DOCK7: variants seen among roughly 807,000 people sequenced by gnomAD.
DOCK7 encodes the protein dedicator of cytokinesis protein 7.
Under a neutral mutation model 271.0 loss-of-function variants are expected in DOCK7, and 138 were observed. The observed-to-expected ratio is 0.51, with a 90% CI of 0.44 to 0.59. The LOEUF (loss-of-function observed/expected upper bound fraction) is 0.59, where lower values mean the gene tolerates loss of function less well. Ranked by LOEUF, DOCK7 falls within the 20% of genes least tolerant of loss-of-function variation. DOCK7 has a pLI of 0.00. For missense variants in DOCK7, 2,066 were observed against 2,592.4 expected (o/e 0.80, Z 4.41); for synonymous variants, 823 against 876.1 (o/e 0.94, Z 1.07).
chr1:62,601,529 C>T (rs1229925186), intron 14 of DOCK7, among the ~76,000 whole-genome samples: 1 of 151,568 alleles, frequency 6.6e-6, no homozygotes, highest in Non-Finnish European at 1.5e-5. Context: ...GGACTCCAGA[C>T]TGGTGATAGA....
chr1:62,647,790 A>T lies in DOCK7; in HGVS notation c.733-14T>A. The T allele has an allele frequency of 6.4e-7, 1 of 1,558,610 alleles. No homozygotes were observed. The highest frequency in any genetic ancestry group is 8.8e-7 in the Non-Finnish European group (1 of 1,140,318). On this transcript the variant is annotated splice_polypyrimidine_tract_variant and intron_variant, in intron 6 of 49. Coordinates refer to ENST00000635253, the MANE Select transcript of DOCK7 (RefSeq NM_001367561.1). The stretch of plus-strand genomic sequence containing the variant: ...TATTGGTTCTTCCTACAAATTGAAA[A>T]GCAACACCAAAATGAATATGCTTAT...
At chr1:62,568,242 G>A (rs1646590555) in intron 18 of DOCK7, among the ~76,000 whole-genome samples, 1 of 151,848 alleles carries the variant, frequency 6.6e-6, no homozygotes, top group African/African-American at 2.4e-5. Context: ...CTGGGATGCA[G>A]CTAAAGCAGT....
intron 48 of DOCK7, among the ~76,000 whole-genome samples, chr1:62,470,596 C>T (rs553166908): frequency 6.6e-6 from 1 of 152,090 alleles, no homozygotes; most frequent in Non-Finnish European, 1.5e-5. Context: ...GAGTTCGAGA[C>T]CAGCCTGACC....
chr1:62,665,956 G>C (rs1052274372), intron 1 of DOCK7, among the ~76,000 whole-genome samples: 1 of 151,876 alleles, frequency 6.6e-6, no homozygotes, highest in Admixed American at 6.6e-5. Context: ...AAGGTCATGA[G>C]ATCAGGACCA....
chr1:62,655,670 G>T (rs893733242), intron 2 of DOCK7, among the ~76,000 whole-genome samples: 1 of 152,086 alleles, frequency 6.6e-6, no homozygotes, highest in Non-Finnish European at 1.5e-5. Context: ...CAAGCAATCC[G>T]CCTGCTTCGG....
At chr1:62,678,927 A>T (rs1660815388) in intron 1 of DOCK7, among the ~76,000 whole-genome samples, 2 of 152,182 alleles carry the variant, frequency 1.3e-5, no homozygotes, top group Non-Finnish European at 2.9e-5. Context: ...TAAATGCTTG[A>T]CATGATAGAT....
intron 41 of DOCK7, among the ~76,000 whole-genome samples, 168 bp from the exon 42 acceptor site, chr1:62,489,233 A>C (rs1030523840): frequency 6.6e-6 from 1 of 152,146 alleles, no homozygotes; most frequent in Non-Finnish European, 1.5e-5. Context: ...GTGGATCACA[A>C]TGTCAGGAGA....
At chr1:62,651,440 A>G (rs1385348080) in intron 4 of DOCK7, among the ~76,000 whole-genome samples, 2 of 110,096 alleles carry the variant, frequency 1.8e-5, no homozygotes. Flanking sequence ...CCTAGAACTT[A>G]AAGTATAATA....
Position 62,688,339 on chromosome 1 carries a change from G to C in DOCK7, c.-75C>G. On this transcript the variant is annotated 5_prime_UTR_variant, in exon 1 of 50. Coordinates refer to ENST00000635253, the MANE Select transcript of DOCK7 (RefSeq NM_001367561.1). ...CGGACCGGCGGGCGCGTGCCTCCTC[G>C]CTCGTGCTCCCTCCCTCGCGGCCTC... 4 of 1,008,984 alleles carry C rather than the reference G, an allele frequency of 4.0e-6. No individual in the cohort carries two copies. The highest frequency in any genetic ancestry group is 4.7e-5 in the South Asian group (1 of 21,466). 62.5% of individuals were successfully genotyped at this position (1,008,984 alleles called of 1,614,324 possible).
rs575990486 is a variant in DOCK7 at position 62,666,145 on chromosome 1, C to G, written c.39-3015G>C. On this transcript the variant is annotated intron_variant, in intron 1 of 49. Transcript: ENST00000635253. ...CACCACTGCACTCCAGCCTGGGCGA[C>G]AGAGTGAGACTCTGTCACAAAAATA... 2.0e-5 allele frequency among the ~76,000 whole-genome samples: 3 copies of G among 152,208 alleles called. No homozygotes were observed. In the East Asian group the frequency reaches 5.8e-4, roughly 29 times the overall value.
At chr1:62,577,402 C>T (rs757337100) in intron 17 of DOCK7, 39 bp from the exon 18 acceptor site, 13 of 1,471,612 alleles carry the variant, frequency 8.8e-6, no homozygotes, top group African/African-American at 1.4e-5. Context: ...TTTAAATATG[C>T]TTGCTATAAA....
Position 62,586,580 on chromosome 1 carries a change from C to T in DOCK7, c.1727G>A (p.Arg576His). The change falls in exon 15 of 50, where the codon CGT becomes CAT. Residue 576 changes from arginine (R) to histidine (H), a missense_variant. By Grantham distance (29) the Arg-to-His change is conservative (BLOSUM62 0). Coordinates refer to ENST00000635253, the MANE Select transcript of DOCK7 (RefSeq NM_001367561.1). ...TGTTATATTTCTAGCAGAACCTTGA[C>T]GATTGGCAAAATTAAGACTCTGAGG... ...IYPQSLNFANRQGSARNITVK... is the reference protein window; with the variant it reads ...IYPQSLNFANHQGSARNITVK... The T allele has an allele frequency of 1.2e-6, 2 of 1,612,746 alleles. No homozygotes were observed. The highest frequency in any genetic ancestry group is 1.7e-6 in the Non-Finnish European group (2 of 1,179,174).
chr1:62,516,626 TAAC>T (rs1050239882), intron 31 of DOCK7, among the ~76,000 whole-genome samples: 2 of 152,180 alleles, frequency 1.3e-5, no homozygotes, highest in African/African-American at 4.8e-5. Flanking sequence ...CTTCATATTA[TAAC>T]AACCAGAGCT....
At chr1:62,549,731 C>T (rs1174698001) in intron 22 of DOCK7, among the ~76,000 whole-genome samples, 1 of 151,962 alleles carries the variant, frequency 6.6e-6, no homozygotes, top group Non-Finnish European at 1.5e-5. Context: ...ATACAAATCA[C>T]CCTGTTGTGC....
intron 17 of DOCK7, 22 bp from the exon 18 acceptor site, chr1:62,577,385 A>G: frequency 6.6e-7 from 1 of 1,521,326 alleles, no homozygotes. Flanking sequence ...AAAGAAAACA[A>G]TTTTATTTTA....
intron 30 of DOCK7, 44 bp from the exon 31 acceptor site, chr1:62,528,349 GA>G: frequency 2.0e-6 from 3 of 1,531,466 alleles, no homozygotes; most frequent in Non-Finnish European, 2.7e-6. Flanking sequence ...CTGTTTAGCT[GA>G]ACTAATTCCC....
At chr1:62,501,055 T>G (rs1646768378) in intron 37 of DOCK7, among the ~76,000 whole-genome samples, 2 of 143,016 alleles carry the variant, frequency 1.4e-5, no homozygotes, top group African/African-American at 2.6e-5. Flanking sequence ...AAAGGGGGGG[T>G]GAGTGGGGTG....
chr1:62,560,476 G>T (rs1259945522), intron 19 of DOCK7, among the ~76,000 whole-genome samples: 1 of 152,070 alleles, frequency 6.6e-6, no homozygotes, highest in Non-Finnish European at 1.5e-5. Flanking sequence ...TAAACTCACA[G>T]GCACCATAAC....
chr1:62,657,343 A>C (rs1287958978), intron 2 of DOCK7, among the ~76,000 whole-genome samples: 1 of 152,202 alleles, frequency 6.6e-6, no homozygotes, highest in Non-Finnish European at 1.5e-5. Context: ...GTGTACCAAA[A>C]GAAGACAAGT....
Sources: gnomAD v4.1 joint callset for allele counts (sites outside exome capture counted in the v4.1 genomes callset) on GRCh38, gnomAD v4.1.1 for gene constraint, MANE v1.5 for transcripts, NCBI Gene and HGNC (gene_info 2026-07-23, HGNC 2026-07-21) for gene names.